The following SLC9A9 variants were observed in gnomAD, a reference collection of about 807,000 sequenced individuals.
The protein encoded by SLC9A9 is solute carrier family 9 member A9.
SLC9A9 carries 62 observed loss-of-function variants against 77.8 expected under a neutral mutation model. That is an observed-to-expected ratio of 0.80 (90% CI 0.65 to 0.98). SLC9A9 has a LOEUF of 0.98. SLC9A9 is among the 50% of genes least tolerant of loss of function. The pLI, the probability that SLC9A9 is intolerant of heterozygous loss-of-function variation, is 0.00. For missense variants in SLC9A9, 775 were observed against 774.9 expected, an observed-to-expected ratio of 1.00 and a Z score of 0.00; for synonymous variants, 320 against 283.5, an observed-to-expected ratio of 1.13 and a Z score of -1.29.
intron 9 of SLC9A9, among the ~76,000 whole-genome samples, chr3:143,543,380 T>G (rs1576566083): frequency 3.2e-5 from 1 of 31,072 alleles, no homozygotes; most frequent in African/African-American, 1.5e-4. Context: ...CTTGTCAAGC[T>G]TTTTTTTTTT....
intron 13 of SLC9A9, among the ~76,000 whole-genome samples, chr3:143,374,145 G>T (rs768259997): frequency 6.5e-4 from 99 of 152,046 alleles, no homozygotes; most frequent in Non-Finnish European, 1.3e-3. Flanking sequence ...GAGGCCAGAG[G>T]CCGGGTGTGG....
chr3:143,594,277 A>T (rs2037713605), intron 6 of SLC9A9, among the ~76,000 whole-genome samples: 1 of 152,158 alleles, frequency 6.6e-6, no homozygotes, highest in African/African-American at 2.4e-5. Context: ...AAGCATATAT[A>T]TCTATTTCAG....
chr3:143,487,386 A>C (rs1409498846), intron 11 of SLC9A9, among the ~76,000 whole-genome samples: 1 of 151,868 alleles, frequency 6.6e-6, no homozygotes, highest in African/African-American at 2.4e-5. Flanking sequence ...GAATGTAAGT[A>C]AGGGAATAGA....
chr3:143,705,013 ATC>A (rs1222367512), intron 4 of SLC9A9, among the ~76,000 whole-genome samples: 3 of 30,660 alleles, frequency 9.8e-5, no homozygotes, highest in African/African-American at 3.2e-4. Flanking sequence ...CTATCTATCT[ATC>A]TATCTATCTA....
At position 143,747,327 on chromosome 3, in the gene SLC9A9, C is replaced by T. The variant is rs368248996; in HGVS notation, c.533+47674G>A. Among the ~76,000 whole-genome samples the T allele has an allele frequency of 1.4e-4, 21 of 148,438 alleles. No individual in the cohort carries two copies. In the East Asian group the frequency reaches 2.6e-3, roughly 18 times the overall value. Reference sequence around the variant, plus strand: ...GCTGAGGCAGGAGAATTGCTTGCTACTGGAAGGTGGGGGTTGCAGTGAGCT... The same window carrying T: ...GCTGAGGCAGGAGAATTGCTTGCTATTGGAAGGTGGGGGTTGCAGTGAGCT... On this transcript the variant is annotated intron_variant, in intron 4 of 15. Transcript: ENST00000316549.
chr3:143,682,514 A>G (rs753446797), intron 5 of SLC9A9, among the ~76,000 whole-genome samples: 1 of 152,132 alleles, frequency 6.6e-6, no homozygotes, highest in Non-Finnish European at 1.5e-5. Context: ...ACTAAACTAT[A>G]TATTTTATAA....
intron 3 of SLC9A9, among the ~76,000 whole-genome samples, chr3:143,796,120 G>A (rs1242391645): frequency 3.9e-5 from 6 of 152,182 alleles, no homozygotes; most frequent in Non-Finnish European, 2.9e-5. Flanking sequence ...CTCACTCTGT[G>A]GCTCAGGGGA....
chr3:143,500,850 G>A (rs1266478286), intron 9 of SLC9A9, among the ~76,000 whole-genome samples: 1 of 143,964 alleles, frequency 6.9e-6, no homozygotes, highest in Admixed American at 6.7e-5. Context: ...AATAAAATTT[G>A]CATTTTATTG....
chr3:143,506,123 T>G (rs868182220), intron 9 of SLC9A9, among the ~76,000 whole-genome samples: 1 of 152,228 alleles, frequency 6.6e-6, no homozygotes, highest in African/African-American at 2.4e-5. Flanking sequence ...TGCTCAGAGA[T>G]ATTGGTCATG....
intron 5 of SLC9A9, among the ~76,000 whole-genome samples, chr3:143,666,363 C>A (rs2039068734): frequency 6.6e-6 from 1 of 152,134 alleles, no homozygotes; most frequent in African/African-American, 2.4e-5. Context: ...GTATGACAAA[C>A]CCACAGCCAA....
chr3:143,807,211 A>G (rs1353055708), intron 2 of SLC9A9, among the ~76,000 whole-genome samples: 1 of 152,174 alleles, frequency 6.6e-6, no homozygotes, highest in Non-Finnish European at 1.5e-5. Context: ...TGGGAGGCTA[A>G]GGAGTGTGGA....
intron 9 of SLC9A9, among the ~76,000 whole-genome samples, chr3:143,514,746 G>A (rs1393211497): frequency 6.6e-6 from 1 of 152,206 alleles, no homozygotes; most frequent in Admixed American, 6.5e-5. Flanking sequence ...TGAAGGGAGG[G>A]TCTTGCTCTG....
intron 4 of SLC9A9, among the ~76,000 whole-genome samples, chr3:143,758,156 G>A (rs2006990658): frequency 6.6e-6 from 1 of 152,124 alleles, no homozygotes; most frequent in Admixed American, 6.6e-5. Context: ...TACATAATGA[G>A]GCCATTGCCA....
At chr3:143,703,005 T>C (rs932048634) in intron 4 of SLC9A9, among the ~76,000 whole-genome samples, 1 of 152,078 alleles carries the variant, frequency 6.6e-6, no homozygotes, top group African/African-American at 2.4e-5. Context: ...AAGGAGTAAA[T>C]TTAGCAAGAG....
At chr3:143,374,986 G>A (rs2033149792) in intron 13 of SLC9A9, among the ~76,000 whole-genome samples, 1 of 151,954 alleles carries the variant, frequency 6.6e-6, no homozygotes, top group South Asian at 2.1e-4. Flanking sequence ...AGATCCATGA[G>A]TTCAATTGTT....
chr3:143,634,777 G>A (rs59540863), intron 6 of SLC9A9, among the ~76,000 whole-genome samples: 47,132 of 151,908 alleles, frequency 0.31, 7,618 homozygotes, highest in African/African-American at 0.39. Context: ...GGGATTGTGG[G>A]CTCTTCTTTG....
At chr3:143,492,291 C>CAAA (rs1171323568) in intron 11 of SLC9A9, among the ~76,000 whole-genome samples, 11 of 60,184 alleles carry the variant, frequency 1.8e-4, no homozygotes, top group East Asian at 1.3e-3. Context: ...GACTCCGTCT[C>CAAA]AAAAAAAAAA....
intron 4 of SLC9A9, among the ~76,000 whole-genome samples, chr3:143,776,690 T>C (rs750059821): frequency 9.2e-5 from 14 of 152,188 alleles, no homozygotes; most frequent in Non-Finnish European, 1.6e-4. Flanking sequence ...TATGATTAGA[T>C]ATTAATTTAA....
chr3:143,578,304 G>C (rs2037396072), intron 7 of SLC9A9, among the ~76,000 whole-genome samples: 1 of 152,148 alleles, frequency 6.6e-6, no homozygotes, highest in Admixed American at 6.6e-5. Context: ...AGTTTTCCTA[G>C]GTGATATTTA....
Sources: allele counts gnomAD v4.1 joint callset (sites outside exome capture counted in the v4.1 genomes callset), GRCh38; gene constraint gnomAD v4.1.1; transcripts MANE v1.5; gene names NCBI Gene and HGNC (gene_info 2026-07-23, HGNC 2026-07-21).